Variants in FOXRED2 observed in about 807,000 individuals in gnomAD.
FOXRED2 encodes the protein FAD-dependent oxidoreductase domain-containing protein 2.
In FOXRED2, 32 loss-of-function variants were observed where a neutral mutation model predicts 52.5. The observed-to-expected ratio is 0.61, with a 90% CI of 0.46 to 0.82. The LOEUF (loss-of-function observed/expected upper bound fraction) is 0.82. Ranked by LOEUF, FOXRED2 falls within the 40% of genes least tolerant of loss-of-function variation. The probability of loss-of-function intolerance (pLI) is 0.00; values close to 1 mark genes in which losing one functional copy is unlikely to be tolerated. For missense variants in FOXRED2, 848 were observed against 937.5 expected (o/e 0.90, Z 1.25); for synonymous variants, 405 against 398.1 (o/e 1.02, Z -0.21).
chr22:36,495,823 G>T, intron 7 of FOXRED2, 144 bp downstream of exon 7: 1 of 857,960 alleles, frequency 1.2e-6, no homozygotes, highest in Non-Finnish European at 1.9e-6. Context: ...CGGACCTTCT[G>T]CCCAAGTGGT....
intron 7 of FOXRED2, 21 bp from the exon 8 acceptor site, chr22:36,493,824 G>C (rs1568987234): frequency 6.2e-7 from 1 of 1,611,658 alleles, no homozygotes; most frequent in African/African-American, 1.3e-5. Context: ...GAGAGAGGGG[G>C]CCATGTCAGA....
chr22:36,504,503 G>T lies in FOXRED2; in HGVS notation c.779+12C>A, dbSNP rs149421143. 6.2e-6 allele frequency: 10 copies of T among 1,613,908 alleles called. No individual in the cohort carries two copies. The African/African-American group carries it at 8.0e-5, about 13-fold the overall frequency. On this transcript the variant is annotated intron_variant, in intron 3 of 8. Transcript: ENST00000397224. ...TCCCAGCACAGAACACACATGCGGG[G>T]ATGTGGCCTACCTGAGGTCTCCAAC...
chr22:36,495,372 C>G (rs1043695071), intron 7 of FOXRED2, among the ~76,000 whole-genome samples: 2 of 152,166 alleles, frequency 1.3e-5, no homozygotes, highest in Non-Finnish European at 2.9e-5. Context: ...TACCTGACTG[C>G]CCTTCAAGCT....
rs532833769 is a variant in FOXRED2, at chr22:36,498,855, C to A, written c.1217-699G>T. Among the ~76,000 whole-genome samples, 581 of 151,982 alleles carry A rather than the reference C, an allele frequency of 3.8e-3. 5 individuals carry two copies. The highest frequency in any genetic ancestry group is 5.5e-3 in the Non-Finnish European group (377 of 67,972). ...AATTGAGTCCAATCCTTTGCCCGTACTGTAAGACCCCTCTGCAGTGGTCCC... is the reference window on the plus strand; with the variant it reads ...AATTGAGTCCAATCCTTTGCCCGTAATGTAAGACCCCTCTGCAGTGGTCCC... On this transcript the variant is annotated intron_variant, in intron 5 of 8. Transcript: ENST00000397224.
chr22:36,499,409 A>G (rs1933986209), intron 5 of FOXRED2, among the ~76,000 whole-genome samples: 2 of 151,948 alleles, frequency 1.3e-5, no homozygotes, highest in South Asian at 4.2e-4. Flanking sequence ...TGAGCTTGGG[A>G]GTTTGAGACC....
chr22:36,496,375 ACATGTGGGGTAGAGACCAGAAAATTC>A (rs1290557557), intron 6 of FOXRED2, among the ~76,000 whole-genome samples, 167 bp from the exon 7 acceptor site: 1 of 152,222 alleles, frequency 6.6e-6, no homozygotes, highest in African/African-American at 2.4e-5. Context: ...GCTCTCACGC[ACATGTGGGGTAGAGACCAGAAAATTC>A]CATGTAACCT....
Position 36,496,067 on chromosome 22 carries a change from C to T in FOXRED2, c.1524G>A (p.Lys508=). The T allele has an allele frequency of 6.2e-7, 1 of 1,614,260 alleles. No individual in the cohort carries two copies. Among genetic ancestry groups the T allele is most frequent in the Non-Finnish European group, 8.5e-7 (1 of 1,180,056 alleles). The change falls in exon 7 of 9, where the codon AAG becomes AAA. Residue 508 remains lysine (K), a synonymous_variant. Coordinates refer to ENST00000397224, the MANE Select transcript of FOXRED2 (RefSeq NM_001102371.2). ...EYGRNFSGPD[K]DVFFDDRSVG... is the part of the protein sequence containing the mutation. ...CAGACCGGTCATCAAAGAAGACGTC[C>T]TTGTCGGGGCCAGAGAAATTTCTGC... is the stretch of plus-strand genomic sequence containing the variant.
intron 5 of FOXRED2, among the ~76,000 whole-genome samples, chr22:36,498,566 G>A (rs990284129): frequency 6.6e-6 from 1 of 152,068 alleles, no homozygotes; most frequent in Non-Finnish European, 1.5e-5. Flanking sequence ...CACAAGGAAC[G>A]TCAAGTCCAA....
In FOXRED2 at chr22:36,497,997, A is replaced by G; in HGVS notation, c.1376T>C (p.Leu459Ser). The G allele has an allele frequency of 1.2e-6, 2 of 1,613,760 alleles. No homozygotes were observed. Among genetic ancestry groups the G allele is most frequent in the Non-Finnish European group, 1.7e-6 (2 of 1,179,796 alleles). ...GTGGGGACGGGCTACTCACTCCTTC[A>G]ACAGGATGACATCGGCCAGCACACC... is the stretch of plus-strand genomic sequence containing the variant. ...MFGVLADVIL[L>S]KENSTAFEYL... is the part of the protein sequence containing the mutation. The change falls in exon 6 of 9, where the codon TTG becomes TCG. Residue 459 changes from leucine (L) to serine (S), a missense_variant. By Grantham distance (145) the Leu-to-Ser change is moderately radical (BLOSUM62 -2). Transcript: ENST00000397224.
chr22:36,499,299 C>T (rs907342461), intron 5 of FOXRED2, among the ~76,000 whole-genome samples: 17 of 152,058 alleles, frequency 1.1e-4, no homozygotes, highest in African/African-American at 7.2e-5. Context: ...GATTACTCCC[C>T]GTAATTCCCT....
In FOXRED2 at chr22:36,504,340, G is replaced by C; in HGVS notation, c.807C>G (p.Thr269=). Residue 269 remains threonine (T), a synonymous_variant, in exon 4 of 9, where the codon ACC becomes ACG. Transcript: ENST00000397224. ...GCCCGTCCAGGGACTTGAGCTGGTA[G>C]GTATCCAGCAGGCCATTGTTGATGG... ...LRAINNGLLD[T]YQLKSLDGLL... 1 of 1,614,160 alleles carries C rather than the reference G, an allele frequency of 6.2e-7. No individual in the cohort carries two copies. The highest frequency in any genetic ancestry group is 8.5e-7 in the Non-Finnish European group (1 of 1,180,034).
In FOXRED2 at chr22:36,504,773, G is replaced by T. The variant is rs1051760796; in HGVS notation, c.528-7C>A. 2.5e-6 allele frequency: 4 copies of T among 1,613,618 alleles called. No individual in the cohort carries two copies. The highest frequency in any genetic ancestry group is 3.4e-6 in the Non-Finnish European group (4 of 1,179,628). On this transcript the variant is annotated splice_polypyrimidine_tract_variant and splice_region_variant and intron_variant, in intron 2 of 8. Transcript: ENST00000397224. ...AGTGGCTACAAAGAGGACGCTGCAG[G>T]CGGGGACAGAGGAAAGATGGCTTAG...
chr22:36,496,292 CGTGT>C (rs1221827125), intron 6 of FOXRED2, 84 bp from the exon 7 acceptor site: 38 of 1,508,730 alleles, frequency 2.5e-5, no homozygotes, highest in Admixed American at 3.6e-5. Flanking sequence ...TGTGTGTGTG[CGTGT>C]GTATCTCCCC....
chr22:36,489,865 C>G lies in FOXRED2; in HGVS notation c.*143G>C, dbSNP rs527536576. The G allele has an allele frequency of 1.2e-6, 1 of 832,842 alleles. No individual in the cohort carries two copies. The highest frequency in any genetic ancestry group is 3.1e-5 in the East Asian group (1 of 32,160). The allele number at this position is 832,842 out of a possible 1,614,324, so 51.6% of individuals were successfully genotyped here. A position where few individuals can be genotyped will look rare whatever the true frequency, so the allele number is the denominator to read the frequency against. On this transcript the variant is annotated 3_prime_UTR_variant, in exon 9 of 9. Coordinates refer to ENST00000397224, the MANE Select transcript of FOXRED2 (RefSeq NM_001102371.2). ...TCAGCCCTCACGTGCCATCTGGTGG[C>G]TTTGCTGCAGACACTGCCATGATCT...
rs986474391 is a variant in FOXRED2, at chr22:36,504,585, T to A, written c.709A>T (p.Asn237Tyr). The A allele has an allele frequency of 6.2e-7, 1 of 1,614,116 alleles. No homozygotes were observed. The highest frequency in any genetic ancestry group is 8.5e-7 in the Non-Finnish European group (1 of 1,180,014). The part of the protein sequence containing the change: ...ETAENILGVT[N>Y]FIHMLSRSRV... ...GAGCGGCTGAGCATATGGATAAAGT[T>A]TGTGACACCCAAGATGTTCTCTGCT... The change falls in exon 3 of 9, where the codon AAC (asparagine) becomes TAC (tyrosine). Residue 237 changes from asparagine to tyrosine, a missense_variant. Physicochemically the swap from Asn to Tyr is moderately radical, Grantham distance 143. Coordinates refer to ENST00000397224, the MANE Select transcript of FOXRED2 (RefSeq NM_001102371.2).
rs1933709000 is a variant in FOXRED2, at chr22:36,490,054, G to A, written c.2009C>T (p.Pro670Leu). ...DQEPLGSPLAPGPLAQSVDSN... is the reference protein window; with the variant it reads ...DQEPLGSPLALGPLAQSVDSN... Reference sequence around the variant, plus strand: ...ATCGACGGACTGAGCCAGAGGCCCTGGAGCCAGGGGGGAACCTAGTGGCTC... The same window carrying A: ...ATCGACGGACTGAGCCAGAGGCCCTAGAGCCAGGGGGGAACCTAGTGGCTC... The change falls in exon 9 of 9, where the codon CCA becomes CTA. Residue 670 changes from proline to leucine, a missense_variant. Physicochemically the swap from Pro to Leu is moderately conservative, Grantham distance 98 (BLOSUM62 -3). Coordinates refer to ENST00000397224, the MANE Select transcript of FOXRED2 (RefSeq NM_001102371.2). 1.2e-6 allele frequency: 2 copies of A among 1,610,696 alleles called. No individual in the cohort carries two copies. The highest frequency in any genetic ancestry group is 1.7e-6 in the Non-Finnish European group (2 of 1,177,652).
At chr22:36,499,319 C>T (rs569458250) in intron 5 of FOXRED2, among the ~76,000 whole-genome samples, 35 of 152,252 alleles carry the variant, frequency 2.3e-4, no homozygotes, top group South Asian at 6.2e-4. Context: ...TACATTTTCA[C>T]ATTTTTGATG....
chr22:36,489,677 T>G lies in FOXRED2; in HGVS notation c.*331A>C. 8.4e-6 allele frequency: 2 copies of G among 236,730 alleles called. No individual in the cohort carries two copies. Among genetic ancestry groups the G allele is most frequent in the South Asian group, 1.3e-4 (1 of 7,696 alleles). 14.7% of individuals were successfully genotyped at this position (236,730 alleles called of 1,614,324 possible). A position where few individuals can be genotyped will look rare whatever the true frequency, so the allele number is the denominator to read the frequency against. On this transcript the variant is annotated 3_prime_UTR_variant, in exon 9 of 9. Transcript: ENST00000397224. Reference sequence around the variant, plus strand: ...ATGCAGGCCCATCTGAGGAGGGGCTTGGAAGGAAGAGGAGCACTTGAGACG... The same window carrying G: ...ATGCAGGCCCATCTGAGGAGGGGCTGGGAAGGAAGAGGAGCACTTGAGACG...
chr22:36,505,479 G>T (rs1166831151), intron 2 of FOXRED2, among the ~76,000 whole-genome samples: 1 of 152,176 alleles, frequency 6.6e-6, no homozygotes, highest in Non-Finnish European at 1.5e-5. Context: ...TTCAAAAATA[G>T]AATTGAAGGC....
Sources: allele counts gnomAD v4.1 joint callset (sites outside exome capture counted in the v4.1 genomes callset), GRCh38; gene constraint gnomAD v4.1.1; transcripts MANE v1.5; gene names NCBI Gene and HGNC (gene_info 2026-07-23, HGNC 2026-07-21).